Variants in DCLRE1C observed in about 807,000 individuals in gnomAD.
DCLRE1C encodes protein artemis.
A neutral mutation model predicts 61.4 loss-of-function variants in DCLRE1C; 47 were observed. The observed-to-expected ratio is 0.77, with a 90% CI of 0.61 to 0.98. The LOEUF (loss-of-function observed/expected upper bound fraction) is 0.98, where lower values mean the gene tolerates loss of function less well. DCLRE1C is among the 50% of genes least tolerant of loss of function. The probability of loss-of-function intolerance (pLI) is 0.00; values close to 1 mark genes in which losing one functional copy is unlikely to be tolerated. For missense variants in DCLRE1C, 858 were observed against 816.0 expected, an observed-to-expected ratio of 1.05 and a Z score of -0.63; for synonymous variants, 337 against 287.6, an observed-to-expected ratio of 1.17 and a Z score of -1.74.
chr10:14,920,239 C>T (rs1836875961), intron 12 of DCLRE1C: 2 of 411,048 alleles, frequency 4.9e-6, no homozygotes, highest in Non-Finnish European at 8.0e-6. Flanking sequence ...GCTTCTCCTG[C>T]CCTGTTCAGT....
downstream of DCLRE1C, among the ~76,000 whole-genome samples, chr10:14,899,972 T>C (rs1375715717): frequency 6.6e-6 from 1 of 152,218 alleles, no homozygotes; most frequent in Non-Finnish European, 1.5e-5. Context: ...ATTACTTTCA[T>C]ATTACAATGA....
chr10:14,901,184 C>T (rs1564346495), downstream of DCLRE1C: 1 of 1,613,884 alleles, frequency 6.2e-7, no homozygotes, highest in Non-Finnish European at 8.5e-7. Context: ...CCTCGATACT[C>T]GTCTTCCCCG....
chr10:14,945,984 C>G (rs376381174), intron 2 of DCLRE1C, among the ~76,000 whole-genome samples: 1 of 125,210 alleles, frequency 8.0e-6, no homozygotes. Context: ...TTTTAATGAA[C>G]AGAAATTAAT....
chr10:14,936,210 T>TA (rs1185380176), intron 5 of DCLRE1C, among the ~76,000 whole-genome samples: 1 of 152,148 alleles, frequency 6.6e-6, no homozygotes, highest in Non-Finnish European at 1.5e-5. Flanking sequence ...ACTTCCATTT[T>TA]ATAAGAAACG....
At chr10:14,940,444 A>G (rs982953151) in intron 3 of DCLRE1C, among the ~76,000 whole-genome samples, 1 of 152,056 alleles carries the variant, frequency 6.6e-6, no homozygotes, top group Non-Finnish European at 1.5e-5. Flanking sequence ...GCCCGCTACT[A>G]CGCAAGGCTG....
rs1834345407 is a variant in DCLRE1C at position 14,905,830 on chromosome 10, C to G, written c.*2578G>C. Among the ~76,000 whole-genome samples the G allele has an allele frequency of 6.6e-6, 1 of 152,028 alleles. No individual in the cohort carries two copies. Among genetic ancestry groups the G allele is most frequent in the Non-Finnish European group, 1.5e-5 (1 of 67,990 alleles). On this transcript the variant is annotated 3_prime_UTR_variant, in exon 14 of 14. Transcript: ENST00000378278. ...TGAAACCCTGTCTCTACTAAAAATA[C>G]AAAAATTAGCCAGGTGTGGCACACA...
chr10:14,949,619 A>G (rs1370421582), intron 1 of DCLRE1C, among the ~76,000 whole-genome samples: 1 of 152,250 alleles, frequency 6.6e-6, no homozygotes, highest in Non-Finnish European at 1.5e-5. Context: ...AGCGCTCCAC[A>G]TTAACAGACA....
intron 13 of DCLRE1C, among the ~76,000 whole-genome samples, chr10:14,916,995 C>A (rs1836306456): frequency 6.6e-6 from 1 of 152,120 alleles, no homozygotes; most frequent in Non-Finnish European, 1.5e-5. Flanking sequence ...CTTAAAGCAC[C>A]TGACTTCAAG....
intron 12 of DCLRE1C, 37 bp downstream of exon 12, chr10:14,922,944 A>AG: frequency 1.4e-6 from 2 of 1,448,794 alleles, no homozygotes; most frequent in Non-Finnish European, 1.9e-6. Flanking sequence ...AGAGCCACCA[A>AG]GGGGGACACC....
At chr10:14,935,616 T>C (rs370659379) in intron 5 of DCLRE1C, 52 bp from the exon 6 acceptor site, 22 of 1,519,564 alleles carry the variant, frequency 1.4e-5, no homozygotes, top group Non-Finnish European at 1.8e-5. Flanking sequence ...AAACTCCCAA[T>C]AAAGCAAATA....
intron 3 of DCLRE1C, among the ~76,000 whole-genome samples, chr10:14,944,704 C>T (rs2131100953): frequency 1.4e-5 from 2 of 143,734 alleles, no homozygotes; most frequent in South Asian, 4.5e-4. Flanking sequence ...AGATGGAGTC[C>T]CACTCTGTTG....
intron 2 of DCLRE1C, among the ~76,000 whole-genome samples, chr10:14,946,016 CT>C (rs1408844342): frequency 2.1e-5 from 2 of 95,282 alleles, no homozygotes; most frequent in Non-Finnish European, 2.2e-5. Flanking sequence ...CTTTTTTTTT[CT>C]TTTTTTTTGA....
intron 3 of DCLRE1C, among the ~76,000 whole-genome samples, chr10:14,940,586 C>T (rs544960339): frequency 1.2e-4 from 18 of 152,222 alleles, no homozygotes; most frequent in African/African-American, 4.1e-4. Flanking sequence ...CCACACCCAG[C>T]CTCATGCACT....
chr10:14,914,473 G>A lies in DCLRE1C; in HGVS notation c.1157-5143C>T, dbSNP rs139419802. On this transcript the variant is annotated intron_variant, in intron 13 of 13. Coordinates refer to ENST00000378278, the MANE Select transcript of DCLRE1C (RefSeq NM_001033855.3). ...TCTCTGGCAATAATTGATAGAACAA[G>A]AATGTAGAAGACCTGAACAACATTG... Among the ~76,000 whole-genome samples, 6 of 152,312 alleles carry A rather than the reference G, an allele frequency of 3.9e-5. No individual in the cohort carries two copies. In the East Asian group the frequency reaches 1.2e-3, roughly 29 times the overall value.
intron 13 of DCLRE1C, 42 bp from the exon 14 acceptor site, chr10:14,909,372 G>A (rs896039199): frequency 6.4e-7 from 1 of 1,573,082 alleles, no homozygotes; most frequent in African/African-American, 1.3e-5. Flanking sequence ...ACAAGGCAAA[G>A]GGAGCCAATT....
chr10:14,934,339 AAAAAGAAAAAAG>A (rs753875041), intron 8 of DCLRE1C, 29 bp downstream of exon 8: 1 of 1,597,592 alleles, frequency 6.3e-7, no homozygotes, highest in Non-Finnish European at 8.5e-7. Flanking sequence ...AAAAAAAAAA[AAAAAGAAAAAAG>A]AAAAGAAAAG....
rs369306346 is a variant in DCLRE1C, at chr10:14,909,173, T to C, written c.1314A>G (p.Ala438=). 1 of 1,614,230 alleles carries C rather than the reference T, an allele frequency of 6.2e-7. No individual in the cohort carries two copies. The highest frequency in any genetic ancestry group is 8.5e-7 in the Non-Finnish European group (1 of 1,180,030). Residue 438 remains alanine (A), a synonymous_variant, in exon 14 of 14, where the codon GCA becomes GCG. Coordinates refer to ENST00000378278, the MANE Select transcript of DCLRE1C (RefSeq NM_001033855.3). The stretch of plus-strand genomic sequence containing the variant: ...TGAAACGAGAGCTCTGCATACACTC[T>C]GCTCTGCAGCATCCTGGGGTTTGTC... ...KLRQTPGCCR[A]ECMQSSRFTN...
At chr10:14,930,457 G>A (rs1242394850) in intron 9 of DCLRE1C, among the ~76,000 whole-genome samples, 2 of 151,182 alleles carry the variant, frequency 1.3e-5, no homozygotes, top group African/African-American at 4.9e-5. Flanking sequence ...TTTTGAGGCA[G>A]AGTCTTGCTC....
downstream of DCLRE1C, chr10:14,903,159 C>G (rs1260921172): frequency 6.6e-6 from 1 of 152,168 alleles, no homozygotes; most frequent in African/African-American, 2.4e-5. Flanking sequence ...ACCTGTAATT[C>G]TTAAAAGACT....
Sources: allele counts gnomAD v4.1 joint callset (sites outside exome capture counted in the v4.1 genomes callset), GRCh38; gene constraint gnomAD v4.1.1; transcripts MANE v1.5; gene names NCBI Gene and HGNC (gene_info 2026-07-23, HGNC 2026-07-21).